BACH1: variants seen among roughly 807,000 people sequenced by gnomAD.
BACH1 encodes BTB domain and CNC homolog 1, also known as transcription regulator protein BACH1.
In BACH1, 35 loss-of-function variants were observed where a neutral mutation model predicts 52.9. The observed-to-expected ratio is 0.66, with a 90% CI of 0.51 to 0.88. The LOEUF (loss-of-function observed/expected upper bound fraction) is 0.88. Among genes scored for constraint, BACH1 ranks in the 40% least tolerant of loss-of-function variants. BACH1 has a pLI of 0.00. For synonymous variants in BACH1, 321 were observed against 319.6 expected (o/e 1.00, Z -0.05); for missense variants, 808 against 872.6 (o/e 0.93, Z 0.93).
Position 29,321,321 on chromosome 21 carries a change from C to A in BACH1, c.41C>A (p.Ser14Tyr). Residue 14 changes from serine (S) to tyrosine (Y), a missense_variant, in exon 2 of 5, where the codon TCT (serine) becomes TAT (tyrosine). Physicochemically the swap from Ser to Tyr is moderately radical, Grantham distance 144 (BLOSUM62 -2). Coordinates refer to ENST00000286800, the MANE Select transcript of BACH1 (RefSeq NM_001186.4). The part of the protein sequence containing the change: ...SENSVFAYES[S>Y]VHSTNVLLSL... Reference sequence around the variant, plus strand: ...AACTCGGTTTTTGCCTATGAATCTTCTGTGCATAGCACCAATGTTTTACTC... The same window carrying A: ...AACTCGGTTTTTGCCTATGAATCTTATGTGCATAGCACCAATGTTTTACTC... 1 of 1,614,184 alleles carries A rather than the reference C, an allele frequency of 6.2e-7. No homozygotes were observed. The highest frequency in any genetic ancestry group is 8.5e-7 in the Non-Finnish European group (1 of 1,180,032).
chr21:29,338,163 C>A (rs75519362), intron 4 of BACH1, among the ~76,000 whole-genome samples: 1 of 152,034 alleles, frequency 6.6e-6, no homozygotes, highest in Non-Finnish European at 1.5e-5. Flanking sequence ...AAAAACCTGT[C>A]GATGATTTTA....
chr21:29,341,232 A>T (rs1286880024), intron 4 of BACH1, among the ~76,000 whole-genome samples: 2 of 152,206 alleles, frequency 1.3e-5, no homozygotes, highest in Non-Finnish European at 2.9e-5. Context: ...AGACTAAAGG[A>T]TGGCACTTAT....
rs527652427 is a variant in BACH1 at position 29,358,234 on chromosome 21, T to C, written c.472+28541T>C. On this transcript the variant is annotated intron_variant, in intron 2 of 4. Coordinates refer to the BACH1 transcript ENST00000422809. ...GATTTAAGAGTCATCCAAACAACAG[T>C]TACAGGGCTAATATCTTTAATCTTT... Among the ~76,000 whole-genome samples the C allele has an allele frequency of 9.9e-5, 15 of 152,226 alleles. No individual in the cohort carries two copies. In the South Asian group the frequency reaches 3.1e-3, roughly 32 times the overall value.
intron 1 of BACH1, among the ~76,000 whole-genome samples, chr21:29,306,645 A>G (rs545244640): frequency 6.6e-6 from 1 of 152,154 alleles, no homozygotes; most frequent in African/African-American, 2.4e-5. Context: ...TTAGAAAGTG[A>G]GGGGGTGAAT....
At chr21:29,315,070 A>G (rs2088770701) in intron 1 of BACH1, among the ~76,000 whole-genome samples, 1 of 151,934 alleles carries the variant, frequency 6.6e-6, no homozygotes, top group Non-Finnish European at 1.5e-5. Context: ...AATGATGAAA[A>G]GCCATGTCTT....
chr21:29,335,947 A>C (rs1338305629), intron 4 of BACH1, among the ~76,000 whole-genome samples: 2 of 152,206 alleles, frequency 1.3e-5, no homozygotes, highest in Non-Finnish European at 2.9e-5. Context: ...ATGTTTAAAC[A>C]TGCATCTTCT....
intron 1 of BACH1, among the ~76,000 whole-genome samples, chr21:29,308,853 A>G (rs1229483225): frequency 6.6e-6 from 1 of 152,262 alleles, no homozygotes; most frequent in Non-Finnish European, 1.5e-5. Context: ...GTCCATATGT[A>G]GTATGTATAA....
In BACH1 at chr21:29,343,096, T is replaced by G. The variant is rs2089134330; in HGVS notation, c.*263T>G. ...AACTCATGTTTTAAAGAATAATAAC[T>G]CTAGTAATAACTCTTCCTGCTATTC... On this transcript the variant is annotated 3_prime_UTR_variant, in exon 5 of 5. Transcript: ENST00000286800. The G allele has an allele frequency of 1.0e-5, 3 of 295,850 alleles. No individual in the cohort carries two copies. The South Asian group carries it at 2.1e-4, about 21-fold the overall frequency. The allele number at this position is 295,850 out of a possible 1,614,324, so 18.3% of individuals were successfully genotyped here. A position where few individuals can be genotyped will look rare whatever the true frequency, so the allele number is the denominator to read the frequency against.
intron 3 of BACH1, among the ~76,000 whole-genome samples, chr21:29,328,451 G>A (rs1220724504): frequency 6.6e-6 from 1 of 150,498 alleles, no homozygotes; most frequent in Admixed American, 6.6e-5. Context: ...TCAATAGTTG[G>A]CTTTTCTCTT....
At chr21:29,354,895 A>AG (rs561699093) in intron 2 of BACH1, among the ~76,000 whole-genome samples, 3 of 152,238 alleles carry the variant, frequency 2.0e-5, no homozygotes, top group African/African-American at 4.8e-5. Flanking sequence ...CAGAGGAGAT[A>AG]GCCCAGGACA....
At chr21:29,327,633 C>T (rs368688333) in intron 3 of BACH1, among the ~76,000 whole-genome samples, 6 of 152,144 alleles carry the variant, frequency 3.9e-5, no homozygotes, top group Admixed American at 3.9e-4. Flanking sequence ...AGTTTGAGAT[C>T]AGCCTGGCCA....
At chr21:29,305,477 G>C (rs1463403144) in intron 1 of BACH1, among the ~76,000 whole-genome samples, 2 of 151,990 alleles carry the variant, frequency 1.3e-5, no homozygotes, top group Non-Finnish European at 2.9e-5. Flanking sequence ...TCTTTTTCCA[G>C]ACCCCAGAAA....
At chr21:29,318,413 A>T (rs1181670665) in intron 1 of BACH1, among the ~76,000 whole-genome samples, 4 of 152,220 alleles carry the variant, frequency 2.6e-5, no homozygotes, top group Admixed American at 6.5e-5. Context: ...GTCATGGTGC[A>T]TGCTGTGCTC....
intron 2 of BACH1, 131 bp downstream of exon 2, chr21:29,321,645 C>CAT: frequency 4.0e-6 from 2 of 505,016 alleles, no homozygotes; most frequent in Non-Finnish European, 3.2e-6. Context: ...TGTGCAACCC[C>CAT]TTTTTTTTTT....
intron 1 of BACH1, among the ~76,000 whole-genome samples, chr21:29,304,969 A>T (rs1601336347): frequency 6.6e-6 from 1 of 152,166 alleles, no homozygotes; most frequent in Non-Finnish European, 1.5e-5. Flanking sequence ...ATTAATGTGT[A>T]TTTTATATTT....
Position 29,326,569 on chromosome 21 carries a change from A to G in BACH1, c.745A>G (p.Ile249Val). ...TACTGGGGAATCTAGTGTCAAAGAC[A>G]TTCATGCTTCTGTTCAGCCAAATGA... is the stretch of plus-strand genomic sequence containing the variant. Reference protein sequence around the residue: ...VRTGESSVKDIHASVQPNERS... With the variant: ...VRTGESSVKDVHASVQPNERS... The change falls in exon 3 of 5, where the codon ATT (isoleucine) becomes GTT (valine). Residue 249 changes from isoleucine (I) to valine (V), a missense_variant. By Grantham distance (29) the Ile-to-Val change is conservative. Coordinates refer to ENST00000286800, the MANE Select transcript of BACH1 (RefSeq NM_001186.4). The G allele has an allele frequency of 1.9e-6, 3 of 1,614,230 alleles. No homozygotes were observed. The highest frequency in any genetic ancestry group is 2.5e-6 in the Non-Finnish European group (3 of 1,180,052).
At chr21:29,356,622 T>C (rs1006875312) in intron 2 of BACH1, among the ~76,000 whole-genome samples, 1 of 152,242 alleles carries the variant, frequency 6.6e-6, no homozygotes, top group Non-Finnish European at 1.5e-5. Flanking sequence ...TTAATTAAGA[T>C]TTAGATCCCC....
chr21:29,352,957 C>G (rs2089211970), intron 2 of BACH1, among the ~76,000 whole-genome samples: 1 of 152,204 alleles, frequency 6.6e-6, no homozygotes, highest in Admixed American at 6.5e-5. Context: ...AGGTGATCCA[C>G]CCACCTCAGC....
intron 1 of BACH1, among the ~76,000 whole-genome samples, chr21:29,309,530 C>T (rs1418876816): frequency 6.6e-6 from 1 of 152,194 alleles, no homozygotes. Flanking sequence ...TATTGCCCTT[C>T]TCAAGCCTTT....
Sources: allele counts gnomAD v4.1 joint callset (sites outside exome capture counted in the v4.1 genomes callset), GRCh38; gene constraint gnomAD v4.1.1; transcripts MANE v1.5; gene names NCBI Gene and HGNC (gene_info 2026-07-23, HGNC 2026-07-21).